Variants in DMD observed in about 807,000 individuals in gnomAD.
DMD encodes mutant dystrophin.
Under a neutral mutation model 330.1 loss-of-function variants are expected in DMD, and 63 were observed. The observed-to-expected ratio is 0.19, with a 90% confidence interval of 0.16 to 0.24. DMD has a LOEUF of 0.24. DMD is among the 10% of genes least tolerant of loss of function. The pLI, the probability that DMD is intolerant of heterozygous loss-of-function variation, is 1.00. For synonymous variants in DMD, 1,223 were observed against 959.8 expected, an observed-to-expected ratio of 1.27 and a Z score of -5.07; for missense variants, 3,344 against 2,684.1, an observed-to-expected ratio of 1.25 and a Z score of -5.43.
At chrX:32,168,995 G>A (rs757434746) in intron 44 of DMD, among the ~76,000 whole-genome samples, 43 of 112,058 alleles carry the variant, frequency 3.8e-4, no homozygotes, top group Non-Finnish European at 7.3e-4. Context: ...CACCTGCTTT[G>A]AGCTGATTGG....
intron 9 of DMD, among the ~76,000 whole-genome samples, chrX:32,648,968 C>A (rs2059953908): frequency 9.0e-6 from 1 of 111,455 alleles, no homozygotes; most frequent in African/African-American, 3.3e-5. Flanking sequence ...ATGAAGATGC[C>A]AGTATCATCA....
intron 43 of DMD, among the ~76,000 whole-genome samples, chrX:32,258,130 G>GTTAGAA (rs775775892): frequency 9.0e-6 from 1 of 111,650 alleles, no homozygotes; most frequent in Admixed American, 9.5e-5. Context: ...TCTCACACCA[G>GTTAGAA]TTAGAATGGC....
At chrX:32,728,921 C>T (rs893448220) in intron 7 of DMD, among the ~76,000 whole-genome samples, 1 of 111,813 alleles carries the variant, frequency 8.9e-6, no homozygotes, top group East Asian at 2.8e-4. Flanking sequence ...ATACTTTTAC[C>T]TATCCACTCA....
At chrX:33,235,913 ATTATT>A (rs1362447773) in intron 1 of DMD, among the ~76,000 whole-genome samples, 80 of 97,157 alleles carry the variant, frequency 8.2e-4, no homozygotes, top group Middle Eastern at 5.1e-3. Flanking sequence ...TATTATTATT[ATTATT>A]TTTTTTTTTT....
intron 41 of DMD, among the ~76,000 whole-genome samples, chrX:32,311,551 A>C: frequency 8.9e-6 from 1 of 111,874 alleles, no homozygotes; most frequent in East Asian, 2.8e-4. Flanking sequence ...TGCACAAATT[A>C]GCTATTAAAT....
chrX:32,716,412 T>G (rs1416014868), intron 7 of DMD, among the ~76,000 whole-genome samples: 1 of 111,197 alleles, frequency 9.0e-6, no homozygotes, highest in Admixed American at 9.6e-5. Context: ...CCCTTCGCCT[T>G]CCACAAGAAG....
At chrX:32,922,738 G>C (rs1462294729) in intron 2 of DMD, among the ~76,000 whole-genome samples, 1 of 111,970 alleles carries the variant, frequency 8.9e-6, no homozygotes, top group East Asian at 2.8e-4. Context: ...CGATTGGTCT[G>C]GGGCCCAGGG....
At chrX:32,610,299 T>A (rs2057067198) in intron 12 of DMD, among the ~76,000 whole-genome samples, 1 of 111,255 alleles carries the variant, frequency 9.0e-6, no homozygotes, top group Non-Finnish European at 1.9e-5. Flanking sequence ...TTCTCCCAAA[T>A]GGTGCAGCCA....
Position 32,749,680 on chromosome X carries a change from G to C in DMD, c.650-50387C>G, listed in dbSNP as rs567163287. 1.6e-4 allele frequency among the ~76,000 whole-genome samples: 18 copies of C among 112,607 alleles called. 1 individual carries two copies. In the South Asian group the frequency reaches 6.2e-3, roughly 39 times the overall value. On this transcript the variant is annotated intron_variant, in intron 7 of 78. Coordinates refer to ENST00000357033, the MANE Select transcript of DMD (RefSeq NM_004006.3). ...ATTTGAGGATCCTGGCTAAAGCCAA[G>C]ATTTGCTGAAGGCTTTTAGGGTTCC...
intron 52 of DMD, among the ~76,000 whole-genome samples, chrX:31,725,753 G>A (rs1401368436): frequency 8.9e-6 from 1 of 112,057 alleles, no homozygotes; most frequent in African/African-American, 3.2e-5. Context: ...GGGTTACGGA[G>A]GGAGAAGCTA....
chrX:31,146,800 T>C (rs16989396), intron 75 of DMD, among the ~76,000 whole-genome samples: 1,459 of 111,979 alleles, frequency 0.013, 22 homozygotes, highest in African/African-American at 0.045. Context: ...AATTGAAAAA[T>C]TTAAAATTCC....
chrX:32,320,502 G>A (rs961643669), intron 41 of DMD, among the ~76,000 whole-genome samples: 3 of 111,402 alleles, frequency 2.7e-5, no homozygotes, highest in African/African-American at 9.7e-5. Context: ...TACTTTATTG[G>A]ACAGTGTAGA....
chrX:32,759,541 T>A (rs1603372223), intron 7 of DMD, among the ~76,000 whole-genome samples: 2 of 111,229 alleles, frequency 1.8e-5, no homozygotes, highest in African/African-American at 6.5e-5. Flanking sequence ...TGCAAAATTG[T>A]TTGCTTGTTC....
intron 1 of DMD, among the ~76,000 whole-genome samples, chrX:33,034,977 C>T (rs989165319): frequency 1.4e-4 from 16 of 111,448 alleles, no homozygotes; most frequent in Middle Eastern, 4.6e-3. Flanking sequence ...GCTTTCAATA[C>T]GACTATGGAA....
chrX:32,610,803 G>C (rs1384186024), intron 12 of DMD, among the ~76,000 whole-genome samples: 2 of 110,932 alleles, frequency 1.8e-5, no homozygotes, highest in Admixed American at 9.6e-5. Flanking sequence ...AGTTGCTTTT[G>C]TGGGGACTCT....
At chrX:32,205,358 T>C in intron 44 of DMD, among the ~76,000 whole-genome samples, 1 of 107,725 alleles carries the variant, frequency 9.3e-6, no homozygotes, top group Non-Finnish European at 1.9e-5. Flanking sequence ...TCTGACACCA[T>C]CACTTTTCAA....
chrX:32,428,994 G>A (rs1177106275), intron 29 of DMD, among the ~76,000 whole-genome samples: 1 of 110,691 alleles, frequency 9.0e-6, no homozygotes, highest in African/African-American at 3.3e-5. Context: ...CTATTTTGCT[G>A]GAAATAAATT....
At chrX:31,614,372 G>A (rs1026185630) in intron 55 of DMD, among the ~76,000 whole-genome samples, 4 of 111,984 alleles carry the variant, frequency 3.6e-5, no homozygotes, top group Non-Finnish European at 7.5e-5. Context: ...ATTTGCAAAG[G>A]TGTTGGAGGT....
chrX:32,551,933 C>T (rs2049604914), intron 16 of DMD, among the ~76,000 whole-genome samples: 1 of 111,898 alleles, frequency 8.9e-6, no homozygotes, highest in Non-Finnish European at 1.9e-5. Flanking sequence ...AGGTGAAACA[C>T]TGCTAAACTG....
Sources: allele counts gnomAD v4.1 joint callset (sites outside exome capture counted in the v4.1 genomes callset), GRCh38; gene constraint gnomAD v4.1.1; transcripts MANE v1.5; gene names NCBI Gene and HGNC (gene_info 2026-07-23, HGNC 2026-07-21).